The following PMS2 variants were observed in gnomAD, a reference collection of about 807,000 sequenced individuals.
PMS2 encodes the protein mismatch repair endonuclease PMS2.
Under a neutral mutation model 90.0 loss-of-function variants are expected in PMS2, and 69 were observed. The observed-to-expected ratio is 0.77, with a 90% CI of 0.63 to 0.94. The LOEUF (loss-of-function observed/expected upper bound fraction) is 0.94, where lower values mean the gene tolerates loss of function less well. Among genes scored for constraint, PMS2 ranks in the 40% least tolerant of loss-of-function variants. The pLI, the probability that PMS2 is intolerant of heterozygous loss-of-function variation, is 0.00. For synonymous variants in PMS2, 332 were observed against 375.1 expected (o/e 0.89, Z 1.33); for missense variants, 966 against 1,040.2 (o/e 0.93, Z 0.98).
At position 5,997,412 on chromosome 7, in the gene PMS2, G is replaced by A. The variant is rs7809954; in HGVS notation, c.717C>T (p.Leu239=). The A allele has an allele frequency of 1.9e-6, 3 of 1,559,472 alleles. No individual in the cohort carries two copies. The South Asian group carries it at 3.4e-5, about 18-fold the overall frequency. The change falls in exon 7 of 15, where the codon CTC becomes CTT. Residue 239 remains leucine (L), a synonymous_variant. Coordinates refer to ENST00000265849, the MANE Select transcript of PMS2 (RefSeq NM_000535.7). ...TAGGGGGCAGCTGAACAAAAGGAAT[G>A]AGGCTTTGCAACTGAAAAAAAAAAA... ...SVFGQKQLQS[L]IPFVQLPPSD...
At chr7:5,989,676 T>C in intron 10 of PMS2, 124 bp downstream of exon 10, 1 of 730,380 alleles carries the variant, frequency 1.4e-6, no homozygotes, top group Non-Finnish European at 2.3e-6. Flanking sequence ...CAAAAAAGAA[T>C]TAAAAATGAT....
intron 8 of PMS2, among the ~76,000 whole-genome samples, chr7:5,995,164 T>C (rs1325991709): frequency 6.6e-6 from 1 of 151,998 alleles, no homozygotes; most frequent in Non-Finnish European, 1.5e-5. Flanking sequence ...CAGCCTCCCA[T>C]GTAGCTGGGA....
chr7:5,989,353 C>T (rs551351188), intron 10 of PMS2, among the ~76,000 whole-genome samples: 48 of 152,100 alleles, frequency 3.2e-4, no homozygotes, highest in Non-Finnish European at 5.1e-4. Context: ...ATCTCTTGAA[C>T]GTGGGAGGCT....
intron 5 of PMS2, among the ~76,000 whole-genome samples, chr7:6,000,802 C>A (rs1372810688): frequency 1.3e-5 from 2 of 151,978 alleles, no homozygotes; most frequent in African/African-American, 4.8e-5. Flanking sequence ...ACCAGGCTAG[C>A]CAACATGGTG....
intron 1 of PMS2, among the ~76,000 whole-genome samples, chr7:6,006,250 C>T (rs1860462): frequency 0.16 from 24,640 of 152,114 alleles, 2,204 homozygotes; most frequent in African/African-American, 0.23. Context: ...ACTTCAAATT[C>T]AACAGATCCT....
intron 8 of PMS2, 120 bp from the exon 9 acceptor site, chr7:5,992,177 T>A: frequency 1.5e-6 from 1 of 662,838 alleles, no homozygotes; most frequent in Non-Finnish European, 2.7e-6. Context: ...TTTTTTGTTT[T>A]TTTTTTTTTT....
intron 11 of PMS2, among the ~76,000 whole-genome samples, chr7:5,983,778 A>G (rs1043295047): frequency 6.6e-6 from 1 of 151,312 alleles, no homozygotes; most frequent in African/African-American, 2.5e-5. Context: ...CAGCCTCCCG[A>G]GTAGCTGGGA....
intron 9 of PMS2, among the ~76,000 whole-genome samples, chr7:5,991,638 G>A (rs982665474): frequency 1.3e-5 from 2 of 151,750 alleles, no homozygotes; most frequent in Non-Finnish European, 1.5e-5. Flanking sequence ...AGGAGATCGA[G>A]ACCATCCTGG....
At position 5,996,590 on chromosome 7, in the gene PMS2, A is replaced by AAAATATATAT. The variant is rs56858711; in HGVS notation, c.803+735_803+736insATATATATTT. On this transcript the variant is annotated intron_variant, in intron 7 of 14. Transcript: ENST00000265849. ...CCATCTCAAAGCTAAAAAAAAAAAA[A>AAAATATATAT]ATATATATATATATATATATATACA... 8.2e-5 allele frequency among the ~76,000 whole-genome samples: 9 copies of AAAATATATAT among 110,184 alleles called. No homozygotes were observed. The South Asian group carries it at 9.0e-4, about 11-fold the overall frequency. 72.3% of individuals were successfully genotyped at this position (110,184 alleles called of 152,430 possible). A position where few individuals can be genotyped will look rare whatever the true frequency, so the allele number is the denominator to read the frequency against.
In PMS2 at chr7:5,997,391, G is replaced by C. The variant is rs202094399; in HGVS notation, c.738C>G (p.Pro246=). 42 of 1,605,402 alleles carry C rather than the reference G, an allele frequency of 2.6e-5. No individual in the cohort carries two copies. Among genetic ancestry groups the C allele is most frequent in the Admixed American group, 1.5e-4 (9 of 59,378 alleles). ...ACTCTTCACACACGGAGTCACTAGG[G>C]GGCAGCTGAACAAAAGGAATGAGGC... ...LQSLIPFVQL[P]PSDSVCEEYG... Residue 246 remains proline (P), a synonymous_variant, in exon 7 of 15, where the codon CCC becomes CCG. Transcript: ENST00000265849.
rs1782970746 is a variant in PMS2, at chr7:5,986,949, C to G, written c.1816G>C (p.Asp606His). The change falls in exon 11 of 15, where the codon GAT becomes CAT. Residue 606 changes from aspartate to histidine, a missense_variant. Coordinates refer to ENST00000265849, the MANE Select transcript of PMS2 (RefSeq NM_000535.7). ...TTCTTATTAATTTTCACAGCTACAT[C>G]AACCTGAGAGGCTGACATGTCCTGA... The part of the protein sequence containing the change: ...NTQDMSASQV[D>H]VAVKINKKVV... 6.2e-7 allele frequency: 1 copy of G among 1,613,960 alleles called. No homozygotes were observed. Among genetic ancestry groups the G allele is most frequent in the South Asian group, 1.1e-5 (1 of 91,078 alleles).
At chr7:5,989,221 A>G (rs1287063315) in intron 10 of PMS2, among the ~76,000 whole-genome samples, 1 of 152,010 alleles carries the variant, frequency 6.6e-6, no homozygotes, top group African/African-American at 2.4e-5. Context: ...GCTTGAGCTC[A>G]AGAGTTTGAG....
intron 1 of PMS2, 106 bp downstream of exon 1, chr7:6,008,891 C>A (rs55652845): frequency 7.1e-7 from 1 of 1,405,206 alleles, no homozygotes. Flanking sequence ...GCTGCCTCGC[C>A]ACGCGCCTCG....
At chr7:5,987,730 A>G (rs1783207051) in intron 10 of PMS2, 110 bp from the exon 11 acceptor site, 1 of 1,000,496 alleles carries the variant, frequency 1.0e-6, no homozygotes, top group Non-Finnish European at 1.6e-6. Flanking sequence ...TGCTAATTAC[A>G]CAGATGAACA....
intron 2 of PMS2, 29 bp downstream of exon 2, chr7:6,005,863 C>T (rs1169449619): frequency 6.2e-7 from 1 of 1,610,624 alleles, no homozygotes; most frequent in Non-Finnish European, 8.5e-7. Context: ...CAGATCATTT[C>T]TTGTGGCTTA....
In PMS2 at chr7:5,978,340, G is replaced by A. The variant is rs541227088; in HGVS notation, c.2275+256C>T. On this transcript the variant is annotated intron_variant, in intron 13 of 14. Transcript: ENST00000265849. ...GGCTGGAGTGCAGTGACGTGATCTC[G>A]GCTCACTGCAACCTCCACCTCCCGG... 3.8e-4 allele frequency among the ~76,000 whole-genome samples: 56 copies of A among 146,346 alleles called. 2 individuals are homozygous for A. In the South Asian group the frequency reaches 0.012, roughly 30 times the overall value.
chr7:5,977,895 G>A (rs565960269), intron 13 of PMS2, 138 bp from the exon 14 acceptor site: 40 of 1,326,032 alleles, frequency 3.0e-5, no homozygotes, highest in African/African-American at 4.3e-5. Context: ...TGAGGCCAGC[G>A]GATCATGAGG....
intron 11 of PMS2, among the ~76,000 whole-genome samples, chr7:5,985,701 G>A (rs2128716063): frequency 6.7e-6 from 1 of 150,190 alleles, no homozygotes; most frequent in Non-Finnish European, 1.5e-5. Flanking sequence ...TTACAGGCAT[G>A]CACCACCATA....
At chr7:5,991,251 C>A in intron 9 of PMS2, among the ~76,000 whole-genome samples, 1 of 151,774 alleles carries the variant, frequency 6.6e-6, no homozygotes, top group East Asian at 1.9e-4. Context: ...AAATTATTTT[C>A]TCATCCCAAA....
Sources: gnomAD v4.1 joint callset for allele counts (sites outside exome capture counted in the v4.1 genomes callset) on GRCh38, gnomAD v4.1.1 for gene constraint, MANE v1.5 for transcripts, NCBI Gene and HGNC (gene_info 2026-07-23, HGNC 2026-07-21) for gene names.